Variants in HS6ST1 observed in about 807,000 individuals in gnomAD.
HS6ST1 encodes heparan sulfate 6-O-sulfotransferase 1, also known as heparan-sulfate 6-O-sulfotransferase 1.
In HS6ST1, 3 loss-of-function variants were observed where a neutral mutation model predicts 25.2. The ratio of observed to expected loss-of-function variants is 0.12; its 90% CI spans 0.05 to 0.31. The LOEUF is 0.31. Ranked by LOEUF, HS6ST1 falls within the 10% of genes least tolerant of loss-of-function variation. The pLI is 1.00. For missense variants in HS6ST1, 310 were observed against 609.6 expected, an observed-to-expected ratio of 0.51 and a Z score of 5.18; for synonymous variants, 204 against 275.1, an observed-to-expected ratio of 0.74 and a Z score of 2.56.
intron 1 of HS6ST1, among the ~76,000 whole-genome samples, chr2:128,273,838 T>G (rs902030374): frequency 2.6e-5 from 4 of 152,092 alleles, no homozygotes; most frequent in African/African-American, 7.2e-5. Context: ...TGTGGCGAGG[T>G]GCAGAGGACT....
chr2:128,273,994 C>T (rs1485170758), intron 1 of HS6ST1, among the ~76,000 whole-genome samples: 1 of 152,154 alleles, frequency 6.6e-6, no homozygotes, highest in East Asian at 1.9e-4. Context: ...AGCCCAGGCT[C>T]ATCTAATCCC....
chr2:128,269,202 C>T (rs1411468860), intron 1 of HS6ST1, among the ~76,000 whole-genome samples: 3 of 152,196 alleles, frequency 2.0e-5, no homozygotes, highest in African/African-American at 7.2e-5. Context: ...CGCCTGAGGC[C>T]AGCAGTCTTC....
At chr2:128,283,272 G>A (rs1049901876) in intron 1 of HS6ST1, among the ~76,000 whole-genome samples, 2 of 152,234 alleles carry the variant, frequency 1.3e-5, no homozygotes, top group Non-Finnish European at 2.9e-5. Context: ...GTCACTGCAG[G>A]CCTCTGTCAC....
intron 1 of HS6ST1, among the ~76,000 whole-genome samples, chr2:128,310,177 G>A (rs1462686340): frequency 6.6e-6 from 1 of 152,202 alleles, no homozygotes; most frequent in Non-Finnish European, 1.5e-5. Context: ...GGCCTGAGCA[G>A]GCAGCTGAAT....
chr2:128,300,488 G>A (rs1361244009), intron 1 of HS6ST1, among the ~76,000 whole-genome samples: 5 of 152,228 alleles, frequency 3.3e-5, no homozygotes, highest in South Asian at 4.1e-4. Context: ...TACCTGGGGC[G>A]CTGTGTGCAC....
chr2:128,304,096 G>A lies in HS6ST1; in HGVS notation c.527+13941C>T, dbSNP rs1401630154. Among the ~76,000 whole-genome samples, 3 of 152,324 alleles carry A rather than the reference G, an allele frequency of 2.0e-5. No homozygotes were observed. In the South Asian group the frequency reaches 6.2e-4, roughly 32 times the overall value. On this transcript the variant is annotated intron_variant, in intron 1 of 1. Transcript: ENST00000259241. The stretch of plus-strand genomic sequence containing the variant: ...CCCAGGTTCTCAGGCCTTTGGCCTT[G>A]GACTAAGCCTGCTCGCTGGCTTCCC...
At chr2:128,304,389 A>G (rs1694176969) in intron 1 of HS6ST1, among the ~76,000 whole-genome samples, 1 of 152,214 alleles carries the variant, frequency 6.6e-6, no homozygotes, top group African/African-American at 2.4e-5. Context: ...GGTGCATGGT[A>G]CAGGCCTGGT....
At chr2:128,295,087 A>G (rs1265136571) in intron 1 of HS6ST1, among the ~76,000 whole-genome samples, 1 of 152,166 alleles carries the variant, frequency 6.6e-6, no homozygotes, top group Middle Eastern at 3.2e-3. Context: ...CAACTGAGTG[A>G]CCATGCGCAG....
chr2:128,285,799 C>T (rs773029987), intron 1 of HS6ST1, among the ~76,000 whole-genome samples: 43 of 152,214 alleles, frequency 2.8e-4, no homozygotes, highest in Admixed American at 1.1e-3. Context: ...GGCCTTTCTC[C>T]ACTGATGGGT....
At chr2:128,297,427 C>T (rs1468675645) in intron 1 of HS6ST1, among the ~76,000 whole-genome samples, 1 of 152,080 alleles carries the variant, frequency 6.6e-6, no homozygotes, top group African/African-American at 2.4e-5. Flanking sequence ...ACTCTTAGAA[C>T]ACAGGAAAAA....
chr2:128,317,327 C>A (rs1694386321), intron 1 of HS6ST1, among the ~76,000 whole-genome samples: 1 of 152,256 alleles, frequency 6.6e-6, no homozygotes, highest in Non-Finnish European at 1.5e-5. Context: ...CCCAACCTGG[C>A]TGGTAGCTTC....
At position 128,277,073 on chromosome 2, in the gene HS6ST1, C is replaced by T. The variant is rs78438534; in HGVS notation, c.528-8203G>A. On this transcript the variant is annotated intron_variant, in intron 1 of 1. Coordinates refer to ENST00000259241, the MANE Select transcript of HS6ST1 (RefSeq NM_004807.3). ...ACTGGAAGGAACCACAGGTCCTGCC[C>T]GGCCCAAGCATCCGGCTGGTGGTTG... 5.9e-5 allele frequency among the ~76,000 whole-genome samples: 9 copies of T among 152,192 alleles called. No individual in the cohort carries two copies. The East Asian group carries it at 1.2e-3, about 20-fold the overall frequency.
intron 1 of HS6ST1, among the ~76,000 whole-genome samples, chr2:128,300,672 C>T (rs1433526776): frequency 2.0e-5 from 3 of 152,196 alleles, no homozygotes; most frequent in Non-Finnish European, 4.4e-5. Flanking sequence ...CCTTGAGTTA[C>T]GCAGGTGGAG....
At chr2:128,302,164 G>C (rs1255705439) in intron 1 of HS6ST1, among the ~76,000 whole-genome samples, 2 of 152,192 alleles carry the variant, frequency 1.3e-5, no homozygotes, top group African/African-American at 4.8e-5. Flanking sequence ...GCTCCAAGCT[G>C]GCGCTGCTGC....
intron 1 of HS6ST1, among the ~76,000 whole-genome samples, chr2:128,269,630 C>T (rs1304367586): frequency 6.6e-6 from 1 of 152,206 alleles, no homozygotes; most frequent in African/African-American, 2.4e-5. Context: ...TGTGGATATG[C>T]CCGGTGTGTG....
chr2:128,309,184 C>A (rs960783745), intron 1 of HS6ST1, among the ~76,000 whole-genome samples: 1 of 152,218 alleles, frequency 6.6e-6, no homozygotes, highest in African/African-American at 2.4e-5. Flanking sequence ...CACCTGCCCT[C>A]CTTGTTGCTG....
At chr2:128,293,983 T>C (rs1050083262) in intron 1 of HS6ST1, among the ~76,000 whole-genome samples, 4 of 152,164 alleles carry the variant, frequency 2.6e-5, no homozygotes, top group African/African-American at 9.7e-5. Flanking sequence ...GAGACCACGC[T>C]GCAGGGACAC....
intron 1 of HS6ST1, among the ~76,000 whole-genome samples, chr2:128,304,336 G>C (rs1694176026): frequency 6.6e-6 from 1 of 152,196 alleles, no homozygotes; most frequent in African/African-American, 2.4e-5. Context: ...CGAGCCTTTA[G>C]AAACTGGGTC....
At chr2:128,288,563 G>A (rs1320568868) in intron 1 of HS6ST1, among the ~76,000 whole-genome samples, 1 of 152,210 alleles carries the variant, frequency 6.6e-6, no homozygotes, top group East Asian at 1.9e-4. Context: ...CACATCAACT[G>A]GAGAGATGGA....
Sources: gnomAD v4.1 joint callset for allele counts (sites outside exome capture counted in the v4.1 genomes callset) on GRCh38, gnomAD v4.1.1 for gene constraint, MANE v1.5 for transcripts, NCBI Gene and HGNC (gene_info 2026-07-23, HGNC 2026-07-21) for gene names.